PARN: variants seen among roughly 807,000 people sequenced by gnomAD.
The protein encoded by PARN is poly(A)-specific ribonuclease.
PARN carries 71 observed loss-of-function variants against 102.8 expected under a neutral mutation model. That is an observed-to-expected ratio of 0.69 (90% confidence interval 0.57 to 0.84). The LOEUF (loss-of-function observed/expected upper bound fraction) is 0.84, where lower values mean the gene tolerates loss of function less well. Ranked by LOEUF, PARN falls within the 40% of genes least tolerant of loss-of-function variation. PARN has a pLI of 0.00. For missense variants in PARN, 782 were observed against 760.9 expected (o/e 1.03, Z -0.33); for synonymous variants, 261 against 252.9 (o/e 1.03, Z -0.30).
At chr16:14,623,429 G>A (rs1192037603) in intron 5 of PARN, among the ~76,000 whole-genome samples, 6 of 151,784 alleles carry the variant, frequency 4.0e-5, no homozygotes, top group Non-Finnish European at 5.9e-5. Context: ...CAGGAGGATC[G>A]CTTGAACCCA....
intron 22 of PARN, among the ~76,000 whole-genome samples, chr16:14,474,641 T>C (rs893221154): frequency 6.6e-6 from 1 of 152,196 alleles, no homozygotes; most frequent in Non-Finnish European, 1.5e-5. Flanking sequence ...GGGCTCTTGA[T>C]GGGTATTTAC....
At chr16:14,572,798 GTTTC>G (rs896140929) in intron 18 of PARN, among the ~76,000 whole-genome samples, 29 of 151,990 alleles carry the variant, frequency 1.9e-4, no homozygotes, top group Non-Finnish European at 2.8e-4. Flanking sequence ...AGCTAACATA[GTTTC>G]TTTTTCATTA....
intron 5 of PARN, among the ~76,000 whole-genome samples, chr16:14,624,665 C>T (rs1972529699): frequency 6.6e-6 from 1 of 152,176 alleles, no homozygotes; most frequent in African/African-American, 2.4e-5. Context: ...ACGCCTGTAA[C>T]CCTAGCACTT....
chr16:14,451,887 A>AC (rs1961475447), intron 22 of PARN, among the ~76,000 whole-genome samples: 1 of 134,486 alleles, frequency 7.4e-6, no homozygotes, highest in East Asian at 4.1e-4. Flanking sequence ...AAAAAAAAAA[A>AC]AAAAATACAA....
rs922891949 is a variant in PARN, at chr16:14,630,223, C to G, written c.-98G>C. On this transcript the variant is annotated 5_prime_UTR_variant, in exon 1 of 24. Coordinates refer to ENST00000437198, the MANE Select transcript of PARN (RefSeq NM_002582.4). ...GCGGCGACTGCGGCAGTAGCTGAGG[C>G]AGCCGCAGCGGTGACGCCGGCCGCG... 2.1e-5 allele frequency: 23 copies of G among 1,112,938 alleles called. No homozygotes were observed. Among genetic ancestry groups the G allele is most frequent in the Non-Finnish European group, 3.0e-5 (23 of 768,838 alleles). 68.9% of individuals were successfully genotyped at this position (1,112,938 alleles called of 1,614,324 possible).
At chr16:14,542,998 T>C (rs1022297205) in intron 21 of PARN, among the ~76,000 whole-genome samples, 8 of 152,190 alleles carry the variant, frequency 5.3e-5, no homozygotes, top group African/African-American at 1.2e-4. Context: ...AACAGGACAA[T>C]TGCAAAGAAA....
intron 18 of PARN, among the ~76,000 whole-genome samples, chr16:14,566,836 A>C (rs1430270046): frequency 1.3e-5 from 2 of 152,244 alleles, no homozygotes; most frequent in African/African-American, 4.8e-5. Flanking sequence ...CATACCAAGT[A>C]CAGGTTGCTG....
At chr16:14,463,648 G>C (rs1316521954) in intron 22 of PARN, among the ~76,000 whole-genome samples, 1 of 152,004 alleles carries the variant, frequency 6.6e-6, no homozygotes, top group Non-Finnish European at 1.5e-5. Flanking sequence ...CCCAGCAATA[G>C]TAACTATCCA....
In PARN at chr16:14,554,194, G is replaced by A. The variant is rs76562931; in HGVS notation, c.1319-43C>T. 6.2e-4 allele frequency: 828 copies of A among 1,337,392 alleles called. 9 individuals carry two copies. The African/African-American group carries it at 0.01, about 17-fold the overall frequency. 82.8% of individuals were successfully genotyped at this position (1,337,392 alleles called of 1,614,324 possible). A position where few individuals can be genotyped will look rare whatever the true frequency, so the allele number is the denominator to read the frequency against. On this transcript the variant is annotated intron_variant, in intron 19 of 23. Transcript: ENST00000437198. ...GATGAAATATTGATGGGTGAAAAGT[G>A]ATCAAGTAAACCAGTGACTCTTTGA...
At chr16:14,619,264 G>A (rs535441481) in intron 5 of PARN, among the ~76,000 whole-genome samples, 1 of 151,882 alleles carries the variant, frequency 6.6e-6, no homozygotes, top group African/African-American at 2.4e-5. Flanking sequence ...AATATATCTC[G>A]AACCTAGCAT....
intron 18 of PARN, among the ~76,000 whole-genome samples, chr16:14,568,642 G>C (rs1402815728): frequency 1.3e-5 from 2 of 151,986 alleles, no homozygotes; most frequent in Admixed American, 1.3e-4. Flanking sequence ...GGGCACGGTG[G>C]CCCACGTCTG....
intron 13 of PARN, among the ~76,000 whole-genome samples, chr16:14,590,634 C>CAAAAA (rs966183881): frequency 1.1e-4 from 7 of 63,502 alleles, no homozygotes; most frequent in Non-Finnish European, 9.6e-5. Flanking sequence ...GATTCAGTCT[C>CAAAAA]AAAAAAAAAA....
chr16:14,516,887 T>C (rs1965489514), intron 21 of PARN, among the ~76,000 whole-genome samples: 1 of 152,190 alleles, frequency 6.6e-6, no homozygotes, highest in African/African-American at 2.4e-5. Context: ...ATAATTATTT[T>C]AAAAAGAAAA....
intron 5 of PARN, 36 bp from the exon 6 acceptor site, chr16:14,617,686 T>A: frequency 7.8e-7 from 1 of 1,285,526 alleles, no homozygotes. Flanking sequence ...GTTTTGGGGA[T>A]GTTAGCGGCA....
intron 6 of PARN, among the ~76,000 whole-genome samples, chr16:14,612,786 A>G (rs1971597545): frequency 6.6e-6 from 1 of 151,508 alleles, no homozygotes; most frequent in Admixed American, 6.6e-5. Context: ...TAGTAGAGAC[A>G]AGGTTTCAAC....
At chr16:14,528,346 T>C (rs1441379740) in intron 21 of PARN, among the ~76,000 whole-genome samples, 1 of 152,156 alleles carries the variant, frequency 6.6e-6, no homozygotes, top group East Asian at 1.9e-4. Flanking sequence ...AACCCAACTG[T>C]AGGAAGCCAT....
chr16:14,525,936 A>G (rs1965974746), intron 21 of PARN, among the ~76,000 whole-genome samples: 1 of 151,830 alleles, frequency 6.6e-6, no homozygotes, highest in Non-Finnish European at 1.5e-5. Flanking sequence ...CTCCAACCTC[A>G]GCCTCCCGAG....
chr16:14,542,637 C>G (rs1966848726), intron 21 of PARN, among the ~76,000 whole-genome samples: 1 of 150,694 alleles, frequency 6.6e-6, no homozygotes, highest in Admixed American at 6.6e-5. Flanking sequence ...TACAGAGAAA[C>G]AGAAAAAATA....
chr16:14,534,171 A>T (rs532702312), intron 21 of PARN, among the ~76,000 whole-genome samples: 1 of 151,068 alleles, frequency 6.6e-6, no homozygotes, highest in East Asian at 2.0e-4. Flanking sequence ...GTGAACCAAG[A>T]TCGCGCCACT....
Sources: allele counts gnomAD v4.1 joint callset (sites outside exome capture counted in the v4.1 genomes callset), GRCh38; gene constraint gnomAD v4.1.1; transcripts MANE v1.5; gene names NCBI Gene and HGNC (gene_info 2026-07-23, HGNC 2026-07-21).